Variants in GJB7 observed in about 807,000 individuals in gnomAD.
GJB7 encodes gap junction beta-7 protein.
For synonymous variants in GJB7, 87 were observed against 95.2 expected, an observed-to-expected ratio of 0.91 and a Z score of 0.50; for missense variants, 253 against 256.8, an observed-to-expected ratio of 0.99 and a Z score of 0.10.
At chr6:87,321,030 C>G (rs1440165117) in intron 2 of GJB7, among the ~76,000 whole-genome samples, 1 of 152,036 alleles carries the variant, frequency 6.6e-6, no homozygotes, top group Non-Finnish European at 1.5e-5. Flanking sequence ...ACCAGCCTGA[C>G]CAATATGGTG....
chr6:87,327,352 C>A (rs1456775257), intron 1 of GJB7, among the ~76,000 whole-genome samples: 1 of 152,026 alleles, frequency 6.6e-6, no homozygotes, highest in Non-Finnish European at 1.5e-5. Flanking sequence ...ACAGTTTCTT[C>A]CTAGTCTCAA....
chr6:87,324,940 T>C (rs560995272), intron 1 of GJB7, among the ~76,000 whole-genome samples: 18 of 152,308 alleles, frequency 1.2e-4, no homozygotes, highest in African/African-American at 4.3e-4. Context: ...TCCTCTTTTA[T>C]TTCCTTGAGC....
chr6:87,323,570 C>T lies in GJB7; in HGVS notation c.-205-527G>A, dbSNP rs183842288. On this transcript the variant is annotated intron_variant, in intron 1 of 2. Transcript: ENST00000525899. Reference sequence around the variant, plus strand: ...ATAGTTTACTGAGAATGATGATTTCCAATTTCATCCATGTCCCTACAAAGG... The same window carrying T: ...ATAGTTTACTGAGAATGATGATTTCTAATTTCATCCATGTCCCTACAAAGG... Among the ~76,000 whole-genome samples, 160 of 151,980 alleles carry T rather than the reference C, an allele frequency of 1.1e-3. 4 individuals carry two copies. The East Asian group carries it at 0.021, about 20-fold the overall frequency.
intron 2 of GJB7, among the ~76,000 whole-genome samples, chr6:87,300,907 TAAAC>T (rs1188530118): frequency 6.6e-6 from 1 of 152,126 alleles, no homozygotes; most frequent in Non-Finnish European, 1.5e-5. Flanking sequence ...GCTAAAAAAA[TAAAC>T]AGACTGACAA....
At chr6:87,285,705 T>C (rs961106995) in intron 2 of GJB7, among the ~76,000 whole-genome samples, 1 of 152,222 alleles carries the variant, frequency 6.6e-6, no homozygotes, top group African/African-American at 2.4e-5. Context: ...TCTCTCAGTA[T>C]ACAAATATGC....
intron 2 of GJB7, among the ~76,000 whole-genome samples, chr6:87,310,606 T>C (rs1409369180): frequency 6.6e-6 from 1 of 150,502 alleles, no homozygotes; most frequent in African/African-American, 2.4e-5. Flanking sequence ...TTGCAGAACT[T>C]AGCCATGTAA....
intron 2 of GJB7, among the ~76,000 whole-genome samples, chr6:87,309,407 C>T (rs540586631): frequency 1.3e-5 from 2 of 152,328 alleles, no homozygotes; most frequent in Admixed American, 6.5e-5. Flanking sequence ...CTGCCTGCAT[C>T]GTGGACTTCC....
Position 87,305,791 on chromosome 6 carries a change from G to A in GJB7, c.-28+17075C>T, listed in dbSNP as rs867966715. Among the ~76,000 whole-genome samples, 76 of 152,094 alleles carry A rather than the reference G, an allele frequency of 5.0e-4. No homozygotes were observed. The East Asian group carries it at 5.8e-3, about 12-fold the overall frequency. On this transcript the variant is annotated intron_variant, in intron 2 of 2. Transcript: ENST00000525899. The stretch of plus-strand genomic sequence containing the variant: ...ACTTCAAACTATACTACAAGGCTAC[G>A]GTAACCAAAACAGCATGGTACTGGT...
intron 1 of GJB7, among the ~76,000 whole-genome samples, chr6:87,326,260 A>C (rs1180443515): frequency 6.6e-6 from 1 of 151,742 alleles, no homozygotes; most frequent in African/African-American, 2.4e-5. Context: ...TAATGTCTCT[A>C]TTTCCTTTAG....
At chr6:87,321,316 T>C (rs187621740) in intron 2 of GJB7, among the ~76,000 whole-genome samples, 13 of 152,276 alleles carry the variant, frequency 8.5e-5, no homozygotes, top group South Asian at 2.1e-4. Context: ...TGCGAGGCCA[T>C]TTCAAAATAG....
Position 87,298,174 on chromosome 6 carries a change from AAAAC to A in GJB7, c.-27-13239_-27-13236del, listed in dbSNP as rs370999090. On this transcript the variant is annotated intron_variant, in intron 2 of 2. Transcript: ENST00000525899. ...CAACTAGAATGGCTAATATAACTAA[AAAAC>A]AAAACAAAGTTAAATTGTCTGAAGG... 7.2e-5 allele frequency among the ~76,000 whole-genome samples: 11 copies of A among 152,358 alleles called. No individual in the cohort carries two copies. The South Asian group carries it at 1.2e-3, about 17-fold the overall frequency.
In GJB7 at chr6:87,302,120, C is replaced by T. The variant is rs570944368; in HGVS notation, c.-27-17181G>A. 1.1e-3 allele frequency among the ~76,000 whole-genome samples: 167 copies of T among 152,274 alleles called. 1 individual carries two copies. Among genetic ancestry groups the T allele is most frequent in the African/African-American group, 3.7e-3 (152 of 41,552 alleles). The stretch of plus-strand genomic sequence containing the variant: ...AGAGAAAATTCTAAAAATCAGAGCA[C>T]CTCTCCCCCTCCAAAGGAATGCAGC... On this transcript the variant is annotated intron_variant, in intron 2 of 2. Coordinates refer to ENST00000525899, the MANE Select transcript of GJB7 (RefSeq NM_198568.3).
intron 2 of GJB7, among the ~76,000 whole-genome samples, chr6:87,305,486 T>C (rs1320216181): frequency 1.3e-5 from 2 of 152,118 alleles, no homozygotes; most frequent in Non-Finnish European, 2.9e-5. Context: ...GAAGGACCTC[T>C]TCAAGGAGAA....
At chr6:87,302,855 G>A (rs1019548401) in intron 2 of GJB7, among the ~76,000 whole-genome samples, 2 of 152,248 alleles carry the variant, frequency 1.3e-5, no homozygotes, top group Non-Finnish European at 2.9e-5. Context: ...CAAGCCAGAA[G>A]AGAGTGGGGG....
chr6:87,324,642 T>C (rs1776769858), intron 1 of GJB7, among the ~76,000 whole-genome samples: 1 of 122,298 alleles, frequency 8.2e-6, no homozygotes, highest in Admixed American at 7.6e-5. Flanking sequence ...TCTGTTTTGG[T>C]ACCAGTACCA....
chr6:87,305,806 A>T (rs1235104928), intron 2 of GJB7, among the ~76,000 whole-genome samples: 1 of 152,262 alleles, frequency 6.6e-6, no homozygotes, highest in Non-Finnish European at 1.5e-5. Flanking sequence ...CCAAAACAGC[A>T]TGGTACTGGT....
chr6:87,317,000 C>T (rs894636778), intron 2 of GJB7, among the ~76,000 whole-genome samples: 3 of 151,966 alleles, frequency 2.0e-5, no homozygotes, highest in Non-Finnish European at 4.4e-5. Context: ...TGTGTTATAT[C>T]CAGGCCAAAC....
At chr6:87,308,988 A>G (rs887836433) in intron 2 of GJB7, among the ~76,000 whole-genome samples, 1 of 152,210 alleles carries the variant, frequency 6.6e-6, no homozygotes, top group Non-Finnish European at 1.5e-5. Context: ...AAAGACAAAG[A>G]TATTATGAAT....
At chr6:87,299,660 A>T (rs1364605480) in intron 2 of GJB7, 1 of 177,134 alleles carries the variant, frequency 5.6e-6, no homozygotes, top group East Asian at 1.7e-4. Flanking sequence ...AAAGCTCCAG[A>T]TTTTGGTGAC....
Sources: gnomAD v4.1 joint callset for allele counts (sites outside exome capture counted in the v4.1 genomes callset) on GRCh38, gnomAD v4.1.1 for gene constraint, MANE v1.5 for transcripts, NCBI Gene and HGNC (gene_info 2026-07-23, HGNC 2026-07-21) for gene names.